DDHD1: variants seen among roughly 807,000 people sequenced by gnomAD.
DDHD1 encodes the protein phospholipase DDHD1.
In DDHD1, 49 loss-of-function variants were observed where a neutral mutation model predicts 96.4. The observed-to-expected ratio is 0.51, with a 90% CI of 0.40 to 0.64. The LOEUF is 0.64. Ranked by LOEUF, DDHD1 falls within the 30% of genes least tolerant of loss-of-function variation. DDHD1 has a pLI of 0.00. For missense variants in DDHD1, 1,106 were observed against 1,161.2 expected, an observed-to-expected ratio of 0.95 and a Z score of 0.69; for synonymous variants, 442 against 446.5, an observed-to-expected ratio of 0.99 and a Z score of 0.13.
intron 2 of DDHD1, among the ~76,000 whole-genome samples, chr14:53,102,271 A>T (rs1398613045): frequency 6.6e-6 from 1 of 152,098 alleles, no homozygotes; most frequent in Non-Finnish European, 1.5e-5. Context: ...GATCACAGAT[A>T]TATAAAACTT....
chr14:53,140,303 G>A (rs1276490962), intron 1 of DDHD1, among the ~76,000 whole-genome samples: 21 of 152,214 alleles, frequency 1.4e-4, no homozygotes, highest in Non-Finnish European at 3.1e-4. Context: ...GTAGGTCGAG[G>A]TGGGTAGAGC....
rs557332285 is a variant in DDHD1 at position 53,054,405 on chromosome 14, G to T, written c.2437+33C>A. The T allele has an allele frequency of 7.5e-6, 12 of 1,594,460 alleles. No individual in the cohort carries two copies. The East Asian group carries it at 2.5e-4, about 33-fold the overall frequency. ...CCTCCCCAAGTTTTAAAAAGATACAGTATCAACTTAAGGAAATAATGTATG... is the reference window on the plus strand; with the variant it reads ...CCTCCCCAAGTTTTAAAAAGATACATTATCAACTTAAGGAAATAATGTATG... On this transcript the variant is annotated intron_variant, in intron 11 of 12. Transcript: ENST00000673822.
intron 8 of DDHD1, among the ~76,000 whole-genome samples, chr14:53,059,779 A>G (rs1356050038): frequency 2.1e-5 from 3 of 144,100 alleles, no homozygotes; most frequent in Non-Finnish European, 4.5e-5. Context: ...CAGGAGAATC[A>G]CTTGAATCGG....
chr14:53,107,793 C>A (rs1887806283), intron 1 of DDHD1, among the ~76,000 whole-genome samples: 1 of 152,098 alleles, frequency 6.6e-6, no homozygotes, highest in Admixed American at 6.5e-5. Context: ...ACTAAGAATC[C>A]CTGAGCCTAG....
intron 1 of DDHD1, among the ~76,000 whole-genome samples, chr14:53,113,178 G>A (rs1375747448): frequency 3.3e-5 from 5 of 151,574 alleles, no homozygotes; most frequent in African/African-American, 9.7e-5. Flanking sequence ...TGATAGCCAG[G>A]CTGGTCTCAA....
Position 53,039,269 on chromosome 14 carries a change from T to G in DDHD1, c.*7499A>C, listed in dbSNP as rs1237146613. ...TTTGCCATGGATGGCTCCATCCTCA[T>G]ATCACCCCATGTGCCACTGGATTGT... On this transcript the variant is annotated 3_prime_UTR_variant, in exon 13 of 13. Coordinates refer to ENST00000673822, the MANE Select transcript of DDHD1 (RefSeq NM_001160148.2). 1 of 152,166 alleles carries G rather than the reference T, an allele frequency of 6.6e-6. No homozygotes were observed. The highest frequency in any genetic ancestry group is 6.6e-5 in the Admixed American group (1 of 15,262). The allele number at this position is 152,166 out of a possible 1,614,324, so 9.4% of individuals were successfully genotyped here.
intron 5 of DDHD1, 65 bp downstream of exon 5, chr14:53,073,676 T>A: frequency 7.1e-7 from 1 of 1,399,576 alleles, no homozygotes; most frequent in East Asian, 2.3e-5. Context: ...TTTCTAAAAC[T>A]TTCTGCATTT....
intron 1 of DDHD1, among the ~76,000 whole-genome samples, chr14:53,129,318 G>C (rs1889690912): frequency 6.6e-6 from 1 of 152,194 alleles, no homozygotes; most frequent in Non-Finnish European, 1.5e-5. Context: ...TTTAAATCGG[G>C]TAAGCAGTCT....
At chr14:53,124,998 G>A (rs537280731) in intron 1 of DDHD1, among the ~76,000 whole-genome samples, 4 of 152,058 alleles carry the variant, frequency 2.6e-5, no homozygotes, top group East Asian at 1.9e-4. Context: ...TGTGTCTCTC[G>A]TGTCTCTGTG....
chr14:53,132,847 C>T (rs1423223224), intron 1 of DDHD1, among the ~76,000 whole-genome samples: 1 of 152,198 alleles, frequency 6.6e-6, no homozygotes, highest in Non-Finnish European at 1.5e-5. Context: ...GATAAGGTAG[C>T]TAAAGAAGCA....
At chr14:53,136,651 G>C (rs772103364) in intron 1 of DDHD1, among the ~76,000 whole-genome samples, 6 of 152,310 alleles carry the variant, frequency 3.9e-5, no homozygotes, top group Middle Eastern at 3.4e-3. Flanking sequence ...AATAGTTCAT[G>C]TTCCAATCAG....
chr14:53,059,445 C>T (rs1327252254), intron 8 of DDHD1, among the ~76,000 whole-genome samples: 1 of 151,584 alleles, frequency 6.6e-6, no homozygotes, highest in Non-Finnish European at 1.5e-5. Context: ...TGGGCTTTTA[C>T]TGTGTTAGTC....
intron 1 of DDHD1, among the ~76,000 whole-genome samples, chr14:53,125,086 A>G (rs572468748): frequency 3.9e-5 from 6 of 152,326 alleles, no homozygotes; most frequent in African/African-American, 1.4e-4. Flanking sequence ...AAATGTCTCA[A>G]TTTAACTTTA....
chr14:53,048,922 A>AC (rs1482217755), intron 12 of DDHD1: 1 of 152,234 alleles, frequency 6.6e-6, no homozygotes, highest in Admixed American at 6.5e-5. Context: ...TGAAGACCAC[A>AC]AAGTTATAAT....
intron 1 of DDHD1, among the ~76,000 whole-genome samples, chr14:53,117,690 C>T (rs1486838919): frequency 6.6e-6 from 1 of 152,196 alleles, no homozygotes; most frequent in Non-Finnish European, 1.5e-5. Context: ...CTCAGCAAGG[C>T]CTACTGCCTC....
At chr14:53,101,804 A>C (rs1887321514) in intron 2 of DDHD1, among the ~76,000 whole-genome samples, 1 of 152,104 alleles carries the variant, frequency 6.6e-6, no homozygotes, top group Admixed American at 6.5e-5. Flanking sequence ...AGAAGTAAAA[A>C]GTACATATTA....
chr14:53,041,722 A>C lies in DDHD1; in HGVS notation c.*5046T>G, dbSNP rs1241838452. The C allele has an allele frequency of 1.3e-5, 2 of 151,654 alleles. No homozygotes were observed. The highest frequency in any genetic ancestry group is 4.9e-5 in the African/African-American group (2 of 41,210). 9.4% of individuals were successfully genotyped at this position (151,654 alleles called of 1,614,324 possible). A position where few individuals can be genotyped will look rare whatever the true frequency, so the allele number is the denominator to read the frequency against. ...TTCTTCTTTTTCCTGGGTATTTTGA[A>C]TCTGAGGCATAAACGGAAGTCTGTC... On this transcript the variant is annotated 3_prime_UTR_variant, in exon 13 of 13. Transcript: ENST00000673822.
At chr14:53,146,270 A>C (rs893924246) in intron 1 of DDHD1, among the ~76,000 whole-genome samples, 1 of 151,932 alleles carries the variant, frequency 6.6e-6, no homozygotes, top group Non-Finnish European at 1.5e-5. Flanking sequence ...TTGGGAGGCC[A>C]AGGTGGGTGA....
In DDHD1 at chr14:53,091,897, C is replaced by T; in HGVS notation, c.1177G>A (p.Val393Ile). The change falls in exon 4 of 13, where the codon GTA (valine) becomes ATA (isoleucine). Residue 393 changes from valine (V) to isoleucine (I), a missense_variant. Around this residue, in one of 2 missense-constraint regions of DDHD1, gnomAD observed 650 missense variants for 758.8 expected, o/e 0.86. Transcript: ENST00000673822. The stretch of plus-strand genomic sequence containing the variant: ...TTGTCTTCTAATGTGGCTTCTTCTA[C>T]ATAACCTCTATGAAGTCTGGTACCA... Reference protein sequence around the residue: ...SSGTRLHRGYVEEATLEDKPS... With the variant: ...SSGTRLHRGYIEEATLEDKPS... The T allele has an allele frequency of 2.5e-6, 4 of 1,613,142 alleles. No individual in the cohort carries two copies. The highest frequency in any genetic ancestry group is 3.4e-6 in the Non-Finnish European group (4 of 1,179,450).
Sources: allele counts gnomAD v4.1 joint callset (sites outside exome capture counted in the v4.1 genomes callset), GRCh38; gene constraint gnomAD v4.1.1; regional missense constraint gnomAD v4.1.1; transcripts MANE v1.5; gene names NCBI Gene and HGNC (gene_info 2026-07-23, HGNC 2026-07-21).